The following ZFHX3 variants were observed in gnomAD, a reference collection of about 807,000 sequenced individuals.
ZFHX3 encodes the protein zinc finger homeobox protein 3.
ZFHX3 carries 42 observed loss-of-function variants against 279.1 expected under a neutral mutation model. The ratio of observed to expected loss-of-function variants is 0.15; its 90% CI spans 0.12 to 0.19. ZFHX3 has a LOEUF of 0.19. ZFHX3 is among the 10% of genes least tolerant of loss of function. ZFHX3 has a pLI of 1.00. For missense variants in ZFHX3, 4,981 were observed against 4,754.0 expected, an observed-to-expected ratio of 1.05 and a Z score of -1.40; for synonymous variants, 2,293 against 1,957.8, an observed-to-expected ratio of 1.17 and a Z score of -4.52.
At chr16:73,677,552 A>G (rs973126566) in intron 2 of ZFHX3, among the ~76,000 whole-genome samples, 8 of 151,980 alleles carry the variant, frequency 5.3e-5, no homozygotes, top group African/African-American at 1.9e-4. Context: ...TGGCATAGCT[A>G]ATCACAAAAA....
At chr16:73,159,785 T>C (rs9922142) in intron 5 of ZFHX3, among the ~76,000 whole-genome samples, 28,295 of 152,170 alleles carry the variant, frequency 0.19, 2,790 homozygotes, top group Middle Eastern at 0.28. Flanking sequence ...TTTTTTGATA[T>C]AGAGTCTTGC....
chr16:72,945,535 G>C (rs1485119645), intron 3 of ZFHX3, among the ~76,000 whole-genome samples: 1 of 152,108 alleles, frequency 6.6e-6, no homozygotes, highest in African/African-American at 2.4e-5. Context: ...GGCGAAATCT[G>C]CTAAAATTCA....
At chr16:72,860,050 T>G (rs1203496886) in intron 4 of ZFHX3, among the ~76,000 whole-genome samples, 1 of 152,192 alleles carries the variant, frequency 6.6e-6, no homozygotes, top group African/African-American at 2.4e-5. Context: ...GGTGGACGTT[T>G]GCAGCTCCTA....
chr16:73,591,583 C>G (rs1362806995), intron 2 of ZFHX3, among the ~76,000 whole-genome samples: 1 of 147,432 alleles, frequency 6.8e-6, no homozygotes, highest in Non-Finnish European at 1.5e-5. Context: ...GTCCCAGTTA[C>G]TCGGGAGGCT....
At chr16:73,129,677 TGC>T (rs1966639716) in intron 7 of ZFHX3, among the ~76,000 whole-genome samples, 1 of 141,972 alleles carries the variant, frequency 7.0e-6, no homozygotes, top group African/African-American at 3.1e-5. Flanking sequence ...CACGCCTGTG[TGC>T]ATGTGTGCGC....
chr16:73,205,625 C>T (rs538342743), intron 5 of ZFHX3, among the ~76,000 whole-genome samples: 6 of 152,118 alleles, frequency 3.9e-5, no homozygotes, highest in South Asian at 4.2e-4. Context: ...CTGAAATGAC[C>T]GCGTGTGGCT....
intron 3 of ZFHX3, among the ~76,000 whole-genome samples, chr16:73,349,686 CTCTCCCTTCCT>C (rs1294105292): frequency 3.4e-5 from 1 of 29,346 alleles, no homozygotes; most frequent in Non-Finnish European, 7.0e-5. Flanking sequence ...CCCTCTCTCC[CTCTCCCTTCCT>C]TCCCTCCCTC....
intron 1 of ZFHX3, among the ~76,000 whole-genome samples, chr16:73,870,787 C>G (rs762695451): frequency 9.9e-5 from 15 of 152,158 alleles, no homozygotes; most frequent in Admixed American, 4.6e-4. Flanking sequence ...TATATCTGAG[C>G]ACGAACATCA....
chr16:73,247,051 G>A (rs771276792), intron 5 of ZFHX3, among the ~76,000 whole-genome samples: 45 of 152,088 alleles, frequency 3.0e-4, no homozygotes, highest in Admixed American at 7.2e-4. Context: ...GTGTCTGTGT[G>A]TCTATATACC....
At chr16:73,514,487 CT>C (rs2019486828) in intron 2 of ZFHX3, among the ~76,000 whole-genome samples, 1 of 152,050 alleles carries the variant, frequency 6.6e-6, no homozygotes, top group South Asian at 2.1e-4. Context: ...ATTATTATTA[CT>C]TTATATATAA....
intron 7 of ZFHX3, among the ~76,000 whole-genome samples, chr16:73,095,081 A>T (rs961374293): frequency 6.6e-6 from 1 of 151,854 alleles, no homozygotes; most frequent in African/African-American, 2.4e-5. Context: ...TGAAATGCTT[A>T]TCTTTTTTTA....
chr16:73,375,633 T>A (rs1280246313), intron 3 of ZFHX3, among the ~76,000 whole-genome samples: 1 of 152,216 alleles, frequency 6.6e-6, no homozygotes, highest in Non-Finnish European at 1.5e-5. Context: ...CAAATTCAGT[T>A]ACAAGTTTTT....
chr16:73,343,255 T>C (rs773784511), intron 3 of ZFHX3, among the ~76,000 whole-genome samples: 6 of 151,994 alleles, frequency 3.9e-5, no homozygotes, highest in Non-Finnish European at 8.8e-5. Context: ...ATACATTCTG[T>C]CCATTAAAAG....
At chr16:73,891,776 T>TCTCTCTCTCTCTC (rs2030547718) in exon 1 of ZFHX3, 1 of 115,346 alleles carries the variant, frequency 8.7e-6, no homozygotes, top group Non-Finnish European at 1.9e-5. Flanking sequence ...CTCTCTCTCT[T>TCTCTCTCTCTCTC]CCTCCTCCTC....
intron 4 of ZFHX3, among the ~76,000 whole-genome samples, chr16:73,292,635 GC>G (rs1384434739): frequency 6.6e-6 from 1 of 152,116 alleles, no homozygotes; most frequent in Non-Finnish European, 1.5e-5. Flanking sequence ...AAGAGAAATT[GC>G]CCAGCTCTTC....
chr16:73,085,633 A>G (rs1036809119), intron 8 of ZFHX3, among the ~76,000 whole-genome samples: 3 of 152,236 alleles, frequency 2.0e-5, no homozygotes, highest in Non-Finnish European at 4.4e-5. Flanking sequence ...AACCATATGC[A>G]GAAGCATAAA....
At chr16:73,339,133 G>T (rs55734749) in intron 3 of ZFHX3, among the ~76,000 whole-genome samples, 5,798 of 152,218 alleles carry the variant, frequency 0.038, 155 homozygotes, top group Middle Eastern at 0.065. Context: ...ATGTGAGAAT[G>T]GACCAATACA....
chr16:73,049,687 T>G (rs1172449939), upstream of ZFHX3, among the ~76,000 whole-genome samples: 1 of 152,074 alleles, frequency 6.6e-6, no homozygotes. Flanking sequence ...CAAGCCCAAT[T>G]CAGTCACACG....
At chr16:73,682,028 C>T (rs1197411615) in intron 1 of ZFHX3, among the ~76,000 whole-genome samples, 1 of 149,278 alleles carries the variant, frequency 6.7e-6, no homozygotes, top group Non-Finnish European at 1.5e-5. Flanking sequence ...GAATGTCTGA[C>T]GCATAATGGA....
Sources: allele counts gnomAD v4.1 joint callset (sites outside exome capture counted in the v4.1 genomes callset), GRCh38; gene constraint gnomAD v4.1.1; transcripts MANE v1.5; gene names NCBI Gene and HGNC (gene_info 2026-07-23, HGNC 2026-07-21).